The following EDARADD variants were observed in gnomAD, a reference collection of about 807,000 sequenced individuals.
EDARADD encodes the protein EDAR associated via death domain.
A neutral mutation model predicts 25.6 loss-of-function variants in EDARADD; 20 were observed. That is an observed-to-expected ratio of 0.78 (90% CI 0.55 to 1.14). The LOEUF (loss-of-function observed/expected upper bound fraction) is 1.14, where lower values mean the gene tolerates loss of function less well. Ranked by LOEUF, EDARADD falls within the 50% of genes most tolerant of loss-of-function variation. The probability of loss-of-function intolerance (pLI) is 0.00; values close to 1 mark genes in which losing one functional copy is unlikely to be tolerated. For synonymous variants in EDARADD, 86 were observed against 94.4 expected, an observed-to-expected ratio of 0.91 and a Z score of 0.52; for missense variants, 225 against 270.1, an observed-to-expected ratio of 0.83 and a Z score of 1.17.
chr1:236,433,900 A>C (rs77129347), intron 4 of EDARADD, among the ~76,000 whole-genome samples: 42 of 142,780 alleles, frequency 2.9e-4, no homozygotes, highest in South Asian at 4.5e-4. Context: ...CAAAAAAAAC[A>C]AAAAAAAAAA....
chr1:236,418,534 C>T (rs1043364058), intron 3 of EDARADD, among the ~76,000 whole-genome samples: 15 of 152,128 alleles, frequency 9.9e-5, no homozygotes, highest in African/African-American at 2.4e-4. Flanking sequence ...CGTGAGCCAC[C>T]GCACCCAGCC....
Position 236,353,020 on chromosome 1 carries a change from AC to A in EDARADD, c.-6+2182del, listed in dbSNP as rs869134160. 1.8e-4 allele frequency among the ~76,000 whole-genome samples: 27 copies of A among 150,566 alleles called. No homozygotes were observed. The South Asian group carries it at 4.2e-3, about 23-fold the overall frequency. On this transcript the variant is annotated intron_variant, in intron 3 of 7. Transcript: ENST00000439430. ...GCAAGACTCCGTCTCTAAAAAAAAA[AC>A]AACAACAACAAATTATCTAACAGTA...
intron 3 of EDARADD, among the ~76,000 whole-genome samples, chr1:236,362,630 C>T (rs1622494): frequency 6.6e-6 from 1 of 151,838 alleles, no homozygotes; most frequent in African/African-American, 2.4e-5. Flanking sequence ...CCTAACCCAA[C>T]GTCACCAAGG....
At chr1:236,422,348 G>A (rs1657803022) in intron 3 of EDARADD, among the ~76,000 whole-genome samples, 2 of 152,198 alleles carry the variant, frequency 1.3e-5, no homozygotes, top group South Asian at 4.1e-4. Flanking sequence ...TGGTGGCCTT[G>A]CTGTACATAG....
chr1:236,395,292 G>A lies in EDARADD; in HGVS notation c.61+787G>A, dbSNP rs1667493028. Reference sequence around the variant, plus strand: ...ACCGGGCAGGACGCGCGCTCTGGGCGCTGGGGACGCCCGGGACACTCGGGG... The same window carrying A: ...ACCGGGCAGGACGCGCGCTCTGGGCACTGGGGACGCCCGGGACACTCGGGG... On this transcript the variant is annotated intron_variant, in intron 1 of 5. Coordinates refer to ENST00000334232, the MANE Select transcript of EDARADD (RefSeq NM_145861.4). This position sits in a 1 kb window ranked among gnomAD's most constrained non-coding sequence, Gnocchi z 6.9. 2.6e-6 allele frequency: 3 copies of A among 1,145,028 alleles called. No homozygotes were observed. Among genetic ancestry groups the A allele is most frequent in the Non-Finnish European group, 2.2e-6 (2 of 908,798 alleles). The allele number at this position is 1,145,028 out of a possible 1,614,324, so 70.9% of individuals were successfully genotyped here.
At chr1:236,435,984 A>C (rs1055300855) in intron 4 of EDARADD, among the ~76,000 whole-genome samples, 1 of 152,136 alleles carries the variant, frequency 6.6e-6, no homozygotes, top group African/African-American at 2.4e-5. Context: ...CGTCAAAGGC[A>C]TAGAGAGATG....
intron 1 of EDARADD, among the ~76,000 whole-genome samples, chr1:236,405,822 TTTCC>T (rs780077696): frequency 0.068 from 3,747 of 55,316 alleles, 375 homozygotes; most frequent in Non-Finnish European, 0.09. Context: ...CCTTCCTTCC[TTTCC>T]TTCCTTCCTT....
At chr1:236,469,414 A>G (rs1023555407) in intron 5 of EDARADD, among the ~76,000 whole-genome samples, 2 of 152,200 alleles carry the variant, frequency 1.3e-5, no homozygotes, top group African/African-American at 4.8e-5. Context: ...CAAAGATTGC[A>G]GTGAGCTGAG....
Position 236,421,476 on chromosome 1 carries a change from G to C in EDARADD, c.161-5916G>C, listed in dbSNP as rs188342839. ...GGAGACTTGTGGTTAGGCCATTCAAGACCTTCCCAGTTCTTTTTTTTTTTT... is the reference window on the plus strand; with the variant it reads ...GGAGACTTGTGGTTAGGCCATTCAACACCTTCCCAGTTCTTTTTTTTTTTT... On this transcript the variant is annotated intron_variant, in intron 3 of 5. Transcript: ENST00000334232. Among the ~76,000 whole-genome samples the C allele has an allele frequency of 4.5e-3, 618 of 136,644 alleles. 43 individuals are homozygous for C. Among genetic ancestry groups the C allele is most frequent in the Middle Eastern group, 0.031 (8 of 262 alleles). The allele number at this position is 136,644 out of a possible 152,430, so 89.6% of individuals were successfully genotyped here. A position where few individuals can be genotyped will look rare whatever the true frequency, so the allele number is the denominator to read the frequency against.
rs190308046 is a variant in EDARADD at position 236,405,027 on chromosome 1, G to A, written c.62-4189G>A. Among the ~76,000 whole-genome samples, 5 of 152,102 alleles carry A rather than the reference G, an allele frequency of 3.3e-5. 1 individual carries two copies. The highest frequency in any genetic ancestry group is 1.2e-4 in the African/African-American group (5 of 41,492). On this transcript the variant is annotated intron_variant, in intron 1 of 5. Transcript: ENST00000334232. ...GAGAAACGCTTGAACTCAGGAGGCG[G>A]AGATTGGAGTGAGCCGAGATCACGC...
At chr1:236,365,144 C>A (rs141303360) in intron 3 of EDARADD, among the ~76,000 whole-genome samples, 1 of 109,980 alleles carries the variant, frequency 9.1e-6, no homozygotes, top group African/African-American at 3.8e-5. Flanking sequence ...CATAGGTTTT[C>A]TTTTCTTTTT....
chr1:236,391,042 G>A (rs906079990), upstream of EDARADD, among the ~76,000 whole-genome samples: 3 of 152,010 alleles, frequency 2.0e-5, no homozygotes, highest in Non-Finnish European at 2.9e-5. Context: ...CCCCTCCTGG[G>A]TTTAAGTGAT....
chr1:236,365,776 A>AG (rs1218166909), intron 3 of EDARADD, among the ~76,000 whole-genome samples: 1 of 152,178 alleles, frequency 6.6e-6, no homozygotes, highest in Non-Finnish European at 1.5e-5. Flanking sequence ...GTTGTCCTAC[A>AG]GTTAACTAGG....
intron 5 of EDARADD, among the ~76,000 whole-genome samples, chr1:236,475,363 C>G (rs1659472829): frequency 6.6e-6 from 1 of 152,152 alleles, no homozygotes; most frequent in Non-Finnish European, 1.5e-5. Flanking sequence ...TTAAGTCCTC[C>G]AGAGAGCTAA....
In EDARADD at chr1:236,399,988, G is replaced by A. The variant is rs147443884; in HGVS notation, c.61+5483G>A. Among the ~76,000 whole-genome samples the A allele has an allele frequency of 9.1e-3, 1,393 of 152,296 alleles. 25 individuals carry two copies. The highest frequency in any genetic ancestry group is 0.032 in the African/African-American group (1,315 of 41,554). On this transcript the variant is annotated intron_variant, in intron 1 of 5. Transcript: ENST00000334232. ...AACCTACCCTCCTGTGGCATTGGGC[G>A]CAGTACCCAGGACTAAAGGATAAAC... is the stretch of plus-strand genomic sequence containing the variant.
intron 3 of EDARADD, among the ~76,000 whole-genome samples, chr1:236,357,456 C>A (rs1189110274): frequency 6.6e-6 from 1 of 152,130 alleles, no homozygotes; most frequent in Non-Finnish European, 1.5e-5. Flanking sequence ...CCTGTCCTTG[C>A]CTGTATTAGG....
At chr1:236,464,066 G>A (rs970791096) in intron 4 of EDARADD, among the ~76,000 whole-genome samples, 17 of 152,108 alleles carry the variant, frequency 1.1e-4, no homozygotes, top group African/African-American at 3.6e-4. Flanking sequence ...AAGGGCTGGG[G>A]AGGGTGGCAT....
chr1:236,442,744 A>G (rs1261107703), intron 4 of EDARADD, among the ~76,000 whole-genome samples: 1 of 152,202 alleles, frequency 6.6e-6, no homozygotes, highest in Non-Finnish European at 1.5e-5. Flanking sequence ...ATTCCTTTCA[A>G]CACATTACTG....
intron 4 of EDARADD, among the ~76,000 whole-genome samples, chr1:236,444,951 C>T (rs1488698853): frequency 6.6e-6 from 1 of 151,672 alleles, no homozygotes; most frequent in Admixed American, 6.6e-5. Flanking sequence ...TAGATTTCAA[C>T]CCAAGTATTT....
Sources: gnomAD v4.1 joint callset for allele counts (sites outside exome capture counted in the v4.1 genomes callset) on GRCh38, gnomAD v4.1.1 for gene constraint, Gnocchi (gnomAD v3.1) non-coding constraint, MANE v1.5 for transcripts, NCBI Gene and HGNC (gene_info 2026-07-23, HGNC 2026-07-21) for gene names.